MACROD2: variants seen among roughly 807,000 people sequenced by gnomAD.
The protein encoded by MACROD2 is ADP-ribose glycohydrolase MACROD2.
MACROD2 carries 36 observed loss-of-function variants against 70.4 expected under a neutral mutation model. That is an observed-to-expected ratio of 0.51 (90% CI 0.39 to 0.68). The LOEUF (loss-of-function observed/expected upper bound fraction) is 0.68. Among genes scored for constraint, MACROD2 ranks in the 30% least tolerant of loss-of-function variants. The pLI is 0.00. For synonymous variants in MACROD2, 172 were observed against 178.8 expected, an observed-to-expected ratio of 0.96 and a Z score of 0.30; for missense variants, 496 against 538.4, an observed-to-expected ratio of 0.92 and a Z score of 0.78.
intron 2 of MACROD2, chr20:14,052,102 G>C (rs539041815): frequency 1.9e-5 from 7 of 372,006 alleles, no homozygotes; most frequent in African/African-American, 8.5e-5. Flanking sequence ...TGGGTTGGGA[G>C]GGGGAGAGAA....
intron 6 of MACROD2, among the ~76,000 whole-genome samples, chr20:15,386,164 G>C (rs748986397): frequency 5.3e-5 from 8 of 152,168 alleles, no homozygotes; most frequent in Non-Finnish European, 7.3e-5. Flanking sequence ...TGTCCTAGTA[G>C]AGGTGATTTT....
At chr20:15,138,093 A>G (rs2076164308) in intron 5 of MACROD2, among the ~76,000 whole-genome samples, 1 of 152,128 alleles carries the variant, frequency 6.6e-6, no homozygotes, top group African/African-American at 2.4e-5. Context: ...ATATATTCTG[A>G]TATGAGATGA....
At chr20:14,158,461 T>G (rs2055136223) in intron 3 of MACROD2, among the ~76,000 whole-genome samples, 1 of 152,136 alleles carries the variant, frequency 6.6e-6, no homozygotes, top group African/African-American at 2.4e-5. Context: ...TTTTTGTTGT[T>G]GTTATCTGTG....
chr20:14,537,584 A>G (rs2085381329), intron 4 of MACROD2, among the ~76,000 whole-genome samples: 1 of 152,170 alleles, frequency 6.6e-6, no homozygotes, highest in South Asian at 2.1e-4. Flanking sequence ...TAGGAACCAG[A>G]TAGCTTCAGG....
At chr20:14,911,400 T>C (rs1489542237) in intron 5 of MACROD2, among the ~76,000 whole-genome samples, 1 of 151,960 alleles carries the variant, frequency 6.6e-6, no homozygotes, top group Non-Finnish European at 1.5e-5. Context: ...CTTCTAGAGA[T>C]AGGGTCTTGC....
intron 4 of MACROD2, among the ~76,000 whole-genome samples, chr20:14,500,724 T>A (rs1452127373): frequency 6.6e-6 from 1 of 152,218 alleles, no homozygotes; most frequent in East Asian, 1.9e-4. Flanking sequence ...TTATTCATCA[T>A]GTTTACTACA....
At chr20:15,805,509 T>C (rs988238895) in intron 8 of MACROD2, among the ~76,000 whole-genome samples, 5 of 151,672 alleles carry the variant, frequency 3.3e-5, no homozygotes, top group African/African-American at 1.2e-4. Context: ...GGAGTTTCAC[T>C]CTTTTTGCCC....
intron 6 of MACROD2, among the ~76,000 whole-genome samples, chr20:15,422,005 A>G (rs539204116): frequency 6.6e-6 from 1 of 152,362 alleles, no homozygotes; most frequent in South Asian, 2.1e-4. Context: ...AGTATGCCAG[A>G]CAGAGGTGAC....
intron 5 of MACROD2, among the ~76,000 whole-genome samples, chr20:14,920,113 A>C (rs1330878498): frequency 1.3e-5 from 2 of 152,134 alleles, no homozygotes; most frequent in Non-Finnish European, 2.9e-5. Flanking sequence ...TATATGAATT[A>C]ATTCCCTTTT....
At chr20:14,405,951 C>A (rs531609070) in intron 3 of MACROD2, among the ~76,000 whole-genome samples, 1 of 152,172 alleles carries the variant, frequency 6.6e-6, no homozygotes, top group South Asian at 2.1e-4. Context: ...ATTTTATTTT[C>A]TGATTTTATC....
chr20:15,893,551 C>G, intron 10 of MACROD2: 1 of 370,102 alleles, frequency 2.7e-6, no homozygotes, highest in South Asian at 2.1e-5. Flanking sequence ...GACACGGTCT[C>G]TCTTTTACAC....
chr20:14,795,357 G>A (rs985564298), intron 5 of MACROD2, among the ~76,000 whole-genome samples: 2 of 152,218 alleles, frequency 1.3e-5, no homozygotes. Context: ...AAAGATGGTG[G>A]TTTGAGATAC....
chr20:14,502,084 T>C (rs2084920930), intron 4 of MACROD2, among the ~76,000 whole-genome samples: 1 of 152,192 alleles, frequency 6.6e-6, no homozygotes, highest in African/African-American at 2.4e-5. Context: ...GAATGTGACT[T>C]GTTGGTACAC....
intron 5 of MACROD2, among the ~76,000 whole-genome samples, chr20:15,090,837 T>C (rs2075787453): frequency 6.6e-6 from 1 of 152,082 alleles, no homozygotes; most frequent in Non-Finnish European, 1.5e-5. Flanking sequence ...ACGGAGATTC[T>C]AGGGATACTT....
intron 5 of MACROD2, among the ~76,000 whole-genome samples, chr20:15,210,552 G>GTTTTTTTTTTTTTTTTTTTTGTT (rs11333280): frequency 1.2e-4 from 14 of 121,636 alleles, no homozygotes; most frequent in African/African-American, 1.3e-4. Context: ...CTTTTCTTCT[G>GTTTTTTTTTTTTTTTTTTTTGTT]TTTTTTTTTT....
At chr20:15,612,142 C>T (rs1045720639) in intron 8 of MACROD2, among the ~76,000 whole-genome samples, 3 of 152,038 alleles carry the variant, frequency 2.0e-5, no homozygotes, top group Non-Finnish European at 2.9e-5. Flanking sequence ...AAATAAAACC[C>T]GTGGCTTTAA....
chr20:15,676,901 C>A (rs902834748), intron 8 of MACROD2, among the ~76,000 whole-genome samples: 8 of 151,950 alleles, frequency 5.3e-5, no homozygotes, highest in Non-Finnish European at 1.2e-4. Context: ...GATTTGGCAA[C>A]AACAACAACA....
At chr20:15,490,020 A>G (rs1464509697) in intron 7 of MACROD2, among the ~76,000 whole-genome samples, 1 of 152,140 alleles carries the variant, frequency 6.6e-6, no homozygotes, top group Non-Finnish European at 1.5e-5. Context: ...ACCACAGCAT[A>G]TCATTACTTT....
At chr20:14,955,228 T>C (rs1407342171) in intron 5 of MACROD2, among the ~76,000 whole-genome samples, 1 of 137,470 alleles carries the variant, frequency 7.3e-6, no homozygotes, top group Non-Finnish European at 1.5e-5. Context: ...TTATATAATA[T>C]ATAATTTTTA....
Sources: allele counts gnomAD v4.1 joint callset (sites outside exome capture counted in the v4.1 genomes callset), GRCh38; gene constraint gnomAD v4.1.1; transcripts MANE v1.5; gene names NCBI Gene and HGNC (gene_info 2026-07-23, HGNC 2026-07-21).